KIAA1328: variants seen among roughly 807,000 people sequenced by gnomAD.
The protein encoded by KIAA1328 is KIAA1328, also known as protein hinderin.
A neutral mutation model predicts 68.1 loss-of-function variants in KIAA1328; 52 were observed. The ratio of observed to expected loss-of-function variants is 0.76; its 90% confidence interval spans 0.61 to 0.96. The LOEUF is 0.96. KIAA1328 is among the 40% of genes least tolerant of loss of function. KIAA1328 has a pLI of 0.00. For missense variants in KIAA1328, 641 were observed against 677.6 expected (o/e 0.95, Z 0.60); for synonymous variants, 232 against 239.4 (o/e 0.97, Z 0.28).
intron 4 of KIAA1328, among the ~76,000 whole-genome samples, chr18:36,868,937 T>C (rs1568099127): frequency 1.3e-5 from 2 of 152,110 alleles, no homozygotes; most frequent in Non-Finnish European, 2.9e-5. Context: ...TTCTGGTCTT[T>C]ATTTTTTTAA....
chr18:36,870,557 G>A (rs758059985), intron 4 of KIAA1328, among the ~76,000 whole-genome samples: 22 of 152,096 alleles, frequency 1.4e-4, no homozygotes, highest in Non-Finnish European at 2.5e-4. Flanking sequence ...GATATGCTGC[G>A]TATGTTTGGG....
chr18:37,176,612 A>G (rs1312443558), intron 9 of KIAA1328, among the ~76,000 whole-genome samples: 1 of 152,170 alleles, frequency 6.6e-6, no homozygotes, highest in East Asian at 1.9e-4. Context: ...CTTGAATGGA[A>G]CAAGCAATGC....
intron 5 of KIAA1328, among the ~76,000 whole-genome samples, chr18:36,901,319 G>A (rs533543835): frequency 6.6e-6 from 1 of 152,102 alleles, no homozygotes; most frequent in Non-Finnish European, 1.5e-5. Context: ...GTCACTTGGT[G>A]GGGGAGGCAT....
intron 3 of KIAA1328, among the ~76,000 whole-genome samples, chr18:36,842,949 A>G (rs904300709): frequency 2.6e-5 from 4 of 152,046 alleles, no homozygotes; most frequent in Non-Finnish European, 2.9e-5. Flanking sequence ...CTAAAATCCA[A>G]TTACTTAAAT....
intron 6 of KIAA1328, among the ~76,000 whole-genome samples, chr18:36,998,835 T>A (rs2053489458): frequency 6.6e-6 from 1 of 152,186 alleles, no homozygotes; most frequent in Admixed American, 6.5e-5. Flanking sequence ...CTGTGCCACA[T>A]GTGCAGATAT....
At chr18:37,046,475 C>T (rs1002707211) in intron 6 of KIAA1328, among the ~76,000 whole-genome samples, 1 of 152,064 alleles carries the variant, frequency 6.6e-6, no homozygotes, top group African/African-American at 2.4e-5. Flanking sequence ...ACTTAAAGCT[C>T]CTCTTGGCTC....
intron 6 of KIAA1328, among the ~76,000 whole-genome samples, chr18:37,036,011 G>A (rs1387010088): frequency 2.0e-5 from 3 of 152,108 alleles, no homozygotes. Context: ...TATGCCTTCA[G>A]AGAAGATAAT....
intron 7 of KIAA1328, 123 bp from the exon 8 acceptor site, chr18:37,160,077 A>G (rs999453647): frequency 1.4e-5 from 10 of 692,040 alleles, no homozygotes; most frequent in Non-Finnish European, 2.2e-5. Context: ...TTATACCTCA[A>G]TAAAAGGTAA....
chr18:37,174,296 A>G (rs2059554730), intron 9 of KIAA1328, among the ~76,000 whole-genome samples: 1 of 152,200 alleles, frequency 6.6e-6, no homozygotes, highest in Non-Finnish European at 1.5e-5. Flanking sequence ...TGACAATGAC[A>G]ACCTCTCTAT....
intron 5 of KIAA1328, among the ~76,000 whole-genome samples, chr18:36,955,140 A>AT (rs71168250): frequency 0.73 from 106,227 of 145,214 alleles, 41,470 homozygotes; most frequent in South Asian, 0.88. Flanking sequence ...GCTATCTCCT[A>AT]TTTTTTTTTT....
At chr18:37,163,999 CAGACT>C (rs2059335732) in intron 8 of KIAA1328, among the ~76,000 whole-genome samples, 5 of 152,286 alleles carry the variant, frequency 3.3e-5, no homozygotes, top group Admixed American at 3.3e-4. Flanking sequence ...TCAAATATAA[CAGACT>C]AGTGTTAAGA....
At chr18:36,845,934 G>A (rs932800165) in intron 4 of KIAA1328, among the ~76,000 whole-genome samples, 1 of 151,570 alleles carries the variant, frequency 6.6e-6, no homozygotes, top group South Asian at 2.1e-4. Flanking sequence ...TAGAAGGTCA[G>A]TGTGTTAGTA....
intron 6 of KIAA1328, among the ~76,000 whole-genome samples, chr18:37,062,464 T>G (rs932703010): frequency 7.9e-5 from 12 of 151,828 alleles, no homozygotes; most frequent in East Asian, 3.8e-4. Context: ...TTTTGTTTTT[T>G]TTTTTTGAGA....
chr18:36,829,206 G>A lies in KIAA1328; in HGVS notation c.58+10G>A, dbSNP rs1312863892. The A allele has an allele frequency of 7.3e-6, 11 of 1,516,142 alleles. 1 individual carries two copies. The South Asian group carries it at 1.4e-4, about 19-fold the overall frequency. The allele number at this position is 1,516,142 out of a possible 1,614,324, so 93.9% of individuals were successfully genotyped here. On this transcript the variant is annotated intron_variant, in intron 1 of 9. Transcript: ENST00000280020. ...TTCTGGAGCCGGGACTGTATCCTTT[G>A]CCCGCCTGACAGGGGGCGCCGGCGC...
chr18:36,840,706 C>G (rs1489555041), intron 3 of KIAA1328, among the ~76,000 whole-genome samples: 2 of 152,114 alleles, frequency 1.3e-5, no homozygotes, highest in African/African-American at 4.8e-5. Flanking sequence ...CCACCTCGGC[C>G]TCCGAAAGTG....
At chr18:37,100,766 C>T in intron 7 of KIAA1328, among the ~76,000 whole-genome samples, 1 of 152,162 alleles carries the variant, frequency 6.6e-6, no homozygotes, top group Non-Finnish European at 1.5e-5. Context: ...TGGGAGGCAC[C>T]CCCCAGTAGG....
intron 3 of KIAA1328, among the ~76,000 whole-genome samples, chr18:36,842,781 A>G (rs1324726396): frequency 1.3e-5 from 2 of 151,892 alleles, no homozygotes; most frequent in African/African-American, 4.8e-5. Context: ...CTCCATTGCC[A>G]AATCCATTGC....
chr18:37,132,370 A>G (rs1371239277), intron 7 of KIAA1328, among the ~76,000 whole-genome samples: 1 of 152,242 alleles, frequency 6.6e-6, no homozygotes, highest in Non-Finnish European at 1.5e-5. Context: ...TGTTCCAAGG[A>G]GACAAGGAAT....
intron 5 of KIAA1328, among the ~76,000 whole-genome samples, chr18:36,929,520 G>A (rs2050238730): frequency 6.6e-6 from 1 of 152,072 alleles, no homozygotes; most frequent in East Asian, 1.9e-4. Flanking sequence ...GAGTACTGAC[G>A]GGTTTTACTA....
Sources: allele counts gnomAD v4.1 joint callset (sites outside exome capture counted in the v4.1 genomes callset), GRCh38; gene constraint gnomAD v4.1.1; transcripts MANE v1.5; gene names NCBI Gene and HGNC (gene_info 2026-07-23, HGNC 2026-07-21).